Variants in ASTN2 observed in about 807,000 individuals in gnomAD.
ASTN2 encodes the protein astrotactin 2.
ASTN2 carries 54 observed loss-of-function variants against 139.8 expected under a neutral mutation model. The observed-to-expected ratio is 0.39, with a 90% CI of 0.31 to 0.48. The LOEUF (loss-of-function observed/expected upper bound fraction) is 0.48, where lower values mean the gene tolerates loss of function less well. Ranked by LOEUF, ASTN2 falls within the 20% of genes least tolerant of loss-of-function variation. ASTN2 has a pLI of 0.95. For synonymous variants in ASTN2, 756 were observed against 719.5 expected, an observed-to-expected ratio of 1.05 and a Z score of -0.81; for missense variants, 1,565 against 1,725.1, an observed-to-expected ratio of 0.91 and a Z score of 1.64.
intron 5 of ASTN2, among the ~76,000 whole-genome samples, chr9:117,046,847 G>A (rs977738719): frequency 6.6e-6 from 1 of 152,212 alleles, no homozygotes; most frequent in African/African-American, 2.4e-5. Flanking sequence ...ATGAATGAGT[G>A]AATGCTTAAA....
chr9:117,028,112 T>G (rs563380399), intron 6 of ASTN2, among the ~76,000 whole-genome samples: 112 of 152,296 alleles, frequency 7.4e-4, no homozygotes, highest in Non-Finnish European at 1.3e-3. Flanking sequence ...AGTCTGGCCC[T>G]GAGCAGGCAC....
intron 16 of ASTN2, among the ~76,000 whole-genome samples, chr9:116,654,039 C>T (rs540289839): frequency 2.0e-5 from 3 of 152,270 alleles, no homozygotes; most frequent in African/African-American, 4.8e-5. Context: ...GTAGACCAGA[C>T]GGATAGTTTT....
chr9:116,877,223 T>C (rs1833326609), intron 10 of ASTN2, among the ~76,000 whole-genome samples: 1 of 152,212 alleles, frequency 6.6e-6, no homozygotes, highest in Non-Finnish European at 1.5e-5. Context: ...CCTCCTTTGT[T>C]AGGTGTGCTC....
intron 14 of ASTN2, among the ~76,000 whole-genome samples, chr9:116,730,396 T>G (rs963225415): frequency 6.6e-6 from 1 of 152,198 alleles, no homozygotes; most frequent in African/African-American, 2.4e-5. Context: ...ATAAAATAGT[T>G]TTTTAGAGGC....
intron 20 of ASTN2, among the ~76,000 whole-genome samples, chr9:116,473,491 A>G (rs913829760): frequency 2.6e-5 from 4 of 152,196 alleles, no homozygotes; most frequent in Admixed American, 6.5e-5. Context: ...CCCATGTCCA[A>G]AGGGCTTCTG....
intron 10 of ASTN2, among the ~76,000 whole-genome samples, chr9:116,933,939 G>C (rs993825757): frequency 1.4e-5 from 2 of 145,986 alleles, no homozygotes; most frequent in South Asian, 2.2e-4. Context: ...ATCTGAATAT[G>C]GTGGGGCCCT....
intron 10 of ASTN2, among the ~76,000 whole-genome samples, chr9:116,942,965 A>G (rs999574652): frequency 1.3e-5 from 2 of 152,192 alleles, no homozygotes; most frequent in Admixed American, 1.3e-4. Flanking sequence ...CCTCTTCTGG[A>G]TGGTTGTACA....
At chr9:117,110,918 A>G (rs984753768) in intron 4 of ASTN2, among the ~76,000 whole-genome samples, 2 of 152,218 alleles carry the variant, frequency 1.3e-5, no homozygotes, top group Admixed American at 6.5e-5. Flanking sequence ...GGAGAGACTC[A>G]GAGAAGGGGA....
At chr9:117,235,033 A>G (rs1345045198) in intron 2 of ASTN2, among the ~76,000 whole-genome samples, 1 of 152,168 alleles carries the variant, frequency 6.6e-6, no homozygotes, top group Admixed American at 6.5e-5. Context: ...CAGGAGTTCG[A>G]GACCAGCCTG....
At chr9:116,486,296 A>T (rs1264670861) in intron 20 of ASTN2, among the ~76,000 whole-genome samples, 23 of 152,238 alleles carry the variant, frequency 1.5e-4, no homozygotes, top group Admixed American at 1.4e-3. Context: ...TGTCTAGTGA[A>T]TAAGTAAATA....
Position 116,523,476 on chromosome 9 carries a change from T to A in ASTN2, c.3356-35976A>T, listed in dbSNP as rs2160816. On this transcript the variant is annotated intron_variant, in intron 19 of 22. Transcript: ENST00000313400. ...ACCTGGTATAGAAAAAAGAGCATGG[T>A]GATCTTGAATAGGTTACTAAACATC... Among the ~76,000 whole-genome samples the A allele has an allele frequency of 1.4e-4, 21 of 152,190 alleles. 1 individual carries two copies. Among genetic ancestry groups the A allele is most frequent in the African/African-American group, 5.1e-4 (21 of 41,532 alleles).
chr9:116,655,857 A>ATGTTTTCTT (rs1858179386), intron 16 of ASTN2, among the ~76,000 whole-genome samples: 1 of 147,476 alleles, frequency 6.8e-6, no homozygotes. Flanking sequence ...CACCTGGCTA[A>ATGTTTTCTT]TGTTTTCTTG....
intron 11 of ASTN2, among the ~76,000 whole-genome samples, chr9:116,857,025 CACA>C (rs1474147093): frequency 6.6e-5 from 10 of 152,278 alleles, no homozygotes; most frequent in Non-Finnish European, 1.5e-4. Context: ...TATTTTTCTC[CACA>C]TATCCCAGTT....
At chr9:116,774,125 C>A (rs1401458379) in intron 13 of ASTN2, among the ~76,000 whole-genome samples, 4 of 152,154 alleles carry the variant, frequency 2.6e-5, no homozygotes, top group Non-Finnish European at 5.9e-5. Flanking sequence ...CAGCAGACTC[C>A]TCAGTATTCA....
At chr9:117,212,462 T>C (rs1382963519) in intron 3 of ASTN2, among the ~76,000 whole-genome samples, 1 of 151,808 alleles carries the variant, frequency 6.6e-6, no homozygotes, top group East Asian at 1.9e-4. Context: ...AACAACAGAA[T>C]GAAAACACAA....
At chr9:117,313,370 G>A (rs1828037207) in intron 1 of ASTN2, among the ~76,000 whole-genome samples, 1 of 152,142 alleles carries the variant, frequency 6.6e-6, no homozygotes, top group Admixed American at 6.5e-5. Context: ...GTCTTCTGCT[G>A]CTCAATGGGG....
rs964839483 is a variant in ASTN2 at position 116,496,570 on chromosome 9, C to G, written c.3356-9070G>C. The stretch of plus-strand genomic sequence containing the variant: ...CTTTTAAGGAGGGAACAAGATACCC[C>G]CCAGAACTGTTTGGCTGGAAGTCGG... On this transcript the variant is annotated intron_variant, in intron 19 of 22. Transcript: ENST00000313400. Among the ~76,000 whole-genome samples the G allele has an allele frequency of 2.6e-5, 4 of 152,294 alleles. No individual in the cohort carries two copies. The East Asian group carries it at 7.7e-4, about 29-fold the overall frequency.
intron 2 of ASTN2, among the ~76,000 whole-genome samples, chr9:117,256,389 C>A (rs1833687574): frequency 1.3e-5 from 2 of 152,176 alleles, no homozygotes; most frequent in African/African-American, 4.8e-5. Context: ...TAGTGTTTAT[C>A]AGATTTTACT....
intron 10 of ASTN2, among the ~76,000 whole-genome samples, chr9:116,942,931 C>T (rs1835281150): frequency 6.6e-6 from 1 of 152,202 alleles, no homozygotes; most frequent in Admixed American, 6.5e-5. Context: ...TCATAACTCT[C>T]CTCTTTGTGG....
Sources: allele counts gnomAD v4.1 joint callset (sites outside exome capture counted in the v4.1 genomes callset), GRCh38; gene constraint gnomAD v4.1.1; transcripts MANE v1.5; gene names NCBI Gene and HGNC (gene_info 2026-07-23, HGNC 2026-07-21).